The following FAM174B variants were observed in gnomAD, a reference collection of about 807,000 sequenced individuals.
FAM174B encodes the protein membrane protein FAM174B.
A neutral mutation model predicts 10.9 loss-of-function variants in FAM174B; 12 were observed. The observed-to-expected ratio is 1.10, with a 90% CI of 0.71 to 1.79. The LOEUF is 1.79. FAM174B is among the 40% of genes most tolerant of loss of function. The pLI, the probability that FAM174B is intolerant of heterozygous loss-of-function variation, is 0.00. For synonymous variants in FAM174B, 132 were observed against 115.8 expected (o/e 1.14, Z -0.90); for missense variants, 266 against 233.3 (o/e 1.14, Z -0.91).
At position 92,618,976 on chromosome 15, in the gene FAM174B, CA is replaced by C; in HGVS notation, c.*479del. ...AAATGAGGCCAGGACCTGACCAAGCCAAAAAAGCAGCAAAGGATCAGATGGG... is the reference window on the plus strand; with the variant it reads ...AAATGAGGCCAGGACCTGACCAAGCCAAAAAGCAGCAAAGGATCAGATGGG... On this transcript the variant is annotated 3_prime_UTR_variant, in exon 3 of 3. Transcript: ENST00000327355. 3.4e-6 allele frequency: 2 copies of C among 585,506 alleles called. No homozygotes were observed. The highest frequency in any genetic ancestry group is 6.1e-6 in the Non-Finnish European group (2 of 330,000). 36.3% of individuals were successfully genotyped at this position (585,506 alleles called of 1,614,324 possible).
chr15:92,632,933 C>A (rs1444579396), intron 1 of FAM174B, among the ~76,000 whole-genome samples: 1 of 152,022 alleles, frequency 6.6e-6, no homozygotes, highest in Non-Finnish European at 1.5e-5. Context: ...ACGAAGGCTG[C>A]GATATGTATC....
chr15:92,636,797 C>T (rs990275306), intron 1 of FAM174B, among the ~76,000 whole-genome samples: 2 of 152,212 alleles, frequency 1.3e-5, no homozygotes, highest in African/African-American at 4.8e-5. Context: ...CCCACTCACT[C>T]CCATCCAAGA....
intron 1 of FAM174B, chr15:92,639,265 G>A (rs1049602905): frequency 3.3e-5 from 5 of 152,184 alleles, no homozygotes; most frequent in Non-Finnish European, 5.9e-5. Context: ...CAGCTCCCGC[G>A]ATAACCAAAA....
At chr15:92,627,757 C>T (rs181322498) in intron 2 of FAM174B, among the ~76,000 whole-genome samples, 4 of 152,326 alleles carry the variant, frequency 2.6e-5, no homozygotes, top group Non-Finnish European at 4.4e-5. Flanking sequence ...TAAACGCTCC[C>T]TATTGTACAA....
chr15:92,645,896 A>C (rs1180196151), intron 1 of FAM174B, among the ~76,000 whole-genome samples: 1 of 152,040 alleles, frequency 6.6e-6, no homozygotes, highest in Non-Finnish European at 1.5e-5. Flanking sequence ...GATGCTCCCA[A>C]TGCCCCTCCA....
At chr15:92,641,826 A>G (rs79075269) in intron 1 of FAM174B, among the ~76,000 whole-genome samples, 1 of 152,198 alleles carries the variant, frequency 6.6e-6, no homozygotes. Context: ...GACTCATCAA[A>G]ATTTAAAACT....
intron 2 of FAM174B, among the ~76,000 whole-genome samples, chr15:92,628,171 AT>A (rs35526965): frequency 0.28 from 41,269 of 148,048 alleles, 5,850 homozygotes; most frequent in Non-Finnish European, 0.32. Context: ...TTTTCCCAAA[AT>A]TTTTTTTTTT....
intron 2 of FAM174B, among the ~76,000 whole-genome samples, chr15:92,626,359 A>G (rs993631430): frequency 1.3e-5 from 2 of 152,090 alleles, no homozygotes; most frequent in African/African-American, 4.8e-5. Context: ...CGGCCTCCCA[A>G]AGTGCTGGAT....
chr15:92,655,323 C>A lies in FAM174B; in HGVS notation c.337G>T (p.Val113Phe). Residue 113 changes from valine (V) to phenylalanine (F), a missense_variant, in exon 1 of 3, where the codon GTC becomes TTC. Val to Phe is a conservative substitution (Grantham distance 50, BLOSUM62 -1). Coordinates refer to ENST00000327355, the MANE Select transcript of FAM174B (RefSeq NM_207446.3). ...GAGGGCGGGAGGGCCCACCTGAAGA[C>A]GCGCAGCAGCAGGCAGGCGATGAGG... ...TLLIACLLLR[V>F]FRSGKRLKKT... is the part of the protein sequence containing the mutation. The A allele has an allele frequency of 6.4e-7, 1 of 1,557,774 alleles. No individual in the cohort carries two copies. The highest frequency in any genetic ancestry group is 8.7e-7 in the Non-Finnish European group (1 of 1,150,920).
At chr15:92,631,162 ATATAATAATTTATATAT>A (rs2050797779) in intron 1 of FAM174B, among the ~76,000 whole-genome samples, 1 of 22,600 alleles carries the variant, frequency 4.4e-5, no homozygotes, top group African/African-American at 9.7e-5. Context: ...ATTATATATT[ATATAATAATTTATATAT>A]TATATTATAT....
chr15:92,652,540 A>C (rs143190642), intron 1 of FAM174B, among the ~76,000 whole-genome samples: 287 of 152,278 alleles, frequency 1.9e-3, no homozygotes, highest in Middle Eastern at 6.8e-3. Flanking sequence ...AGGAGTCTGT[A>C]TGCAGGGAGA....
intron 1 of FAM174B, among the ~76,000 whole-genome samples, chr15:92,630,608 C>G (rs1183296184): frequency 6.6e-6 from 1 of 151,442 alleles, no homozygotes; most frequent in Non-Finnish European, 1.5e-5. Context: ...ACCGACCTCG[C>G]TAACCCTTAA....
Position 92,655,576 on chromosome 15 carries a change from T to C in FAM174B, c.84A>G (p.Arg28=). The change falls in exon 1 of 3, where the codon AGA becomes AGG. Residue 28 remains arginine (R), a synonymous_variant. Coordinates refer to ENST00000327355, the MANE Select transcript of FAM174B (RefSeq NM_207446.3). ...LLAAPAARAS[R]AESVSAPWPE... ...GCCACGGCGCGGAGACGGACTCGGCTCTGCTGGCGCGGGCGGCGGGAGCGG... is the reference window on the plus strand; with the variant it reads ...GCCACGGCGCGGAGACGGACTCGGCCCTGCTGGCGCGGGCGGCGGGAGCGG... 1.5e-6 allele frequency: 2 copies of C among 1,321,728 alleles called. No homozygotes were observed. Among genetic ancestry groups the C allele is most frequent in the Non-Finnish European group, 1.9e-6 (2 of 1,037,706 alleles). 81.9% of individuals were successfully genotyped at this position (1,321,728 alleles called of 1,614,324 possible).
intron 2 of FAM174B, chr15:92,619,910 C>T (rs537808673): frequency 1.6e-5 from 3 of 187,572 alleles, no homozygotes; most frequent in South Asian, 2.9e-4. Context: ...TGTTCCAGTA[C>T]AATGTTATTT....
chr15:92,655,013 C>A, intron 1 of FAM174B: 1 of 254,124 alleles, frequency 3.9e-6, no homozygotes, highest in East Asian at 7.2e-5. Flanking sequence ...GAAACGCTGT[C>A]AGAATTCAGA....
intron 2 of FAM174B, among the ~76,000 whole-genome samples, chr15:92,624,915 T>A (rs2050743498): frequency 6.6e-6 from 1 of 152,078 alleles, no homozygotes; most frequent in Non-Finnish European, 1.5e-5. Flanking sequence ...GGAGGACGCC[T>A]AGAGGGTGTA....
intron 1 of FAM174B, 152 bp downstream of exon 1, chr15:92,655,164 C>G (rs984644964): frequency 2.1e-4 from 240 of 1,132,876 alleles, no homozygotes; most frequent in Non-Finnish European, 2.7e-4. Flanking sequence ...CCCGGCCCCC[C>G]ACCCACTCTC....
intron 1 of FAM174B, among the ~76,000 whole-genome samples, chr15:92,647,787 A>G (rs945424499): frequency 2.6e-5 from 4 of 152,160 alleles, no homozygotes; most frequent in Non-Finnish European, 5.9e-5. Flanking sequence ...AAATTTTTGC[A>G]TCTATAGAGA....
chr15:92,617,971 C>T lies in FAM174B; in HGVS notation c.*1485G>A, dbSNP rs895018214. On this transcript the variant is annotated 3_prime_UTR_variant, in exon 3 of 3. Coordinates refer to ENST00000327355, the MANE Select transcript of FAM174B (RefSeq NM_207446.3). Reference sequence around the variant, plus strand: ...TTTCCTGCAGAGGCGAAACTGCCTTCCTGGCAGGCGGAGGCTGCCGAGCTC... The same window carrying T: ...TTTCCTGCAGAGGCGAAACTGCCTTTCTGGCAGGCGGAGGCTGCCGAGCTC... 1 of 355,526 alleles carries T rather than the reference C, an allele frequency of 2.8e-6. No homozygotes were observed. Among genetic ancestry groups the T allele is most frequent in the African/African-American group, 2.1e-5 (1 of 47,758 alleles). The allele number at this position is 355,526 out of a possible 1,614,324, so 22.0% of individuals were successfully genotyped here.
Sources: allele counts gnomAD v4.1 joint callset (sites outside exome capture counted in the v4.1 genomes callset), GRCh38; gene constraint gnomAD v4.1.1; transcripts MANE v1.5; gene names NCBI Gene and HGNC (gene_info 2026-07-23, HGNC 2026-07-21).